KCNMB2: variants seen among roughly 807,000 people sequenced by gnomAD.
The protein encoded by KCNMB2 is potassium calcium-activated channel subfamily M regulatory beta subunit 2, also known as calcium-activated potassium channel subunit beta-2.
KCNMB2 carries 9 observed loss-of-function variants against 24.5 expected under a neutral mutation model. The observed-to-expected ratio is 0.37, with a 90% confidence interval of 0.22 to 0.64. The LOEUF is 0.64. KCNMB2 is among the 30% of genes least tolerant of loss of function. KCNMB2 has a pLI of 0.63. For synonymous variants in KCNMB2, 109 were observed against 104.4 expected (o/e 1.04, Z -0.27); for missense variants, 226 against 284.3 (o/e 0.79, Z 1.47).
At chr3:178,699,336 A>C (rs1026882396) in intron 1 of KCNMB2, among the ~76,000 whole-genome samples, 3 of 152,182 alleles carry the variant, frequency 2.0e-5, no homozygotes, top group Non-Finnish European at 4.4e-5. Context: ...TAGTGAGTGA[A>C]GGGGAGTGGA....
At chr3:178,773,002 A>C (rs1178095871) in intron 1 of KCNMB2, among the ~76,000 whole-genome samples, 4 of 151,976 alleles carry the variant, frequency 2.6e-5, no homozygotes, top group Non-Finnish European at 5.9e-5. Flanking sequence ...TTTCCTGTTG[A>C]CAGTTTCAAA....
intron 1 of KCNMB2, among the ~76,000 whole-genome samples, chr3:178,657,400 G>A (rs13062166): frequency 0.26 from 39,295 of 152,060 alleles, 5,718 homozygotes; most frequent in African/African-American, 0.39. Flanking sequence ...GACTGACCTG[G>A]GAACAAACTC....
chr3:178,718,488 C>T lies in KCNMB2; in HGVS notation c.-67-88855C>T, dbSNP rs536788674. ...CCTATAAGATCAAAATCATTTCCTT[C>T]GTGTTCCCCCACTCTGGAATCAGAA... On this transcript the variant is annotated intron_variant, in intron 1 of 4. Coordinates refer to ENST00000452583, the MANE Select transcript of KCNMB2 (RefSeq NM_181361.3). Among the ~76,000 whole-genome samples, 11 of 152,322 alleles carry T rather than the reference C, an allele frequency of 7.2e-5. No individual in the cohort carries two copies. The South Asian group carries it at 1.9e-3, about 26-fold the overall frequency.
intron 1 of KCNMB2, among the ~76,000 whole-genome samples, chr3:178,747,339 A>C (rs1033615924): frequency 6.6e-6 from 1 of 152,204 alleles, no homozygotes; most frequent in Non-Finnish European, 1.5e-5. Context: ...CCATGACTCA[A>C]TTACCTCCCA....
chr3:178,555,819 T>C (rs886617246), intron 1 of KCNMB2, among the ~76,000 whole-genome samples: 1 of 152,194 alleles, frequency 6.6e-6, no homozygotes, highest in South Asian at 2.1e-4. Flanking sequence ...TATTAGAAAG[T>C]AGAATGTGCT....
chr3:178,551,879 C>T (rs1715964354), intron 1 of KCNMB2, among the ~76,000 whole-genome samples: 4 of 152,192 alleles, frequency 2.6e-5, no homozygotes, highest in Non-Finnish European at 4.4e-5. Context: ...GACAGACCTT[C>T]AGATATCCCA....
chr3:178,796,214 T>C (rs941681583), intron 1 of KCNMB2, among the ~76,000 whole-genome samples: 7 of 152,192 alleles, frequency 4.6e-5, no homozygotes, highest in African/African-American at 1.7e-4. Context: ...ATCAAGAGGA[T>C]ATAATAATTA....
chr3:178,699,970 T>A (rs1017051373), intron 1 of KCNMB2, among the ~76,000 whole-genome samples: 7 of 152,202 alleles, frequency 4.6e-5, no homozygotes, highest in African/African-American at 1.7e-4. Context: ...GGAGCTGTTG[T>A]GGTTCAAAAA....
At chr3:178,709,931 T>C (rs946863799) in intron 1 of KCNMB2, among the ~76,000 whole-genome samples, 20 of 152,118 alleles carry the variant, frequency 1.3e-4, no homozygotes, top group South Asian at 4.1e-4. Context: ...CTGTGCAAAA[T>C]ATAGTTAGGG....
rs1333906601 is a variant in KCNMB2 at position 178,758,523 on chromosome 3, G to GATAT, written c.-67-48818_-67-48817insATAT. The stretch of plus-strand genomic sequence containing the variant: ...ATATATATATATATCTCCAAGAGGA[G>GATAT]ATGTATATATATATATATATATATA... On this transcript the variant is annotated intron_variant, in intron 1 of 4. Coordinates refer to ENST00000452583, the MANE Select transcript of KCNMB2 (RefSeq NM_181361.3). Among the ~76,000 whole-genome samples the GATAT allele has an allele frequency of 5.8e-3, 114 of 19,600 alleles. 5 individuals carry two copies. Among genetic ancestry groups the GATAT allele is most frequent in the Non-Finnish European group, 7.7e-3 (91 of 11,808 alleles). 12.9% of individuals were successfully genotyped at this position (19,600 alleles called of 152,430 possible). A position where few individuals can be genotyped will look rare whatever the true frequency, so the allele number is the denominator to read the frequency against.
intron 1 of KCNMB2, among the ~76,000 whole-genome samples, chr3:178,776,858 C>T (rs1247837948): frequency 6.6e-6 from 1 of 152,136 alleles, no homozygotes; most frequent in Non-Finnish European, 1.5e-5. Flanking sequence ...GGAGTTCAAA[C>T]CCTGGCTCCT....
At chr3:178,670,979 G>T (rs1446394278) in intron 1 of KCNMB2, among the ~76,000 whole-genome samples, 1 of 152,110 alleles carries the variant, frequency 6.6e-6, no homozygotes, top group African/African-American at 2.4e-5. Flanking sequence ...AGAGGTTGGA[G>T]CAAGTAACAG....
At chr3:178,698,596 A>G (rs1231885430) in intron 1 of KCNMB2, among the ~76,000 whole-genome samples, 1 of 152,192 alleles carries the variant, frequency 6.6e-6, no homozygotes, top group South Asian at 2.1e-4. Flanking sequence ...TCCTATCTAT[A>G]TACCGAATTC....
chr3:178,592,558 C>T (rs2108500485), intron 1 of KCNMB2, among the ~76,000 whole-genome samples: 1 of 152,214 alleles, frequency 6.6e-6, no homozygotes, highest in South Asian at 2.1e-4. Context: ...GCCACAAAGG[C>T]TCTATGACAG....
chr3:178,617,032 T>C (rs76530902), intron 1 of KCNMB2, among the ~76,000 whole-genome samples: 60 of 152,082 alleles, frequency 3.9e-4, no homozygotes, highest in Non-Finnish European at 8.1e-4. Flanking sequence ...GATACAGAGG[T>C]TTTATTTTTG....
At chr3:178,721,967 T>G (rs1436792070) in intron 1 of KCNMB2, among the ~76,000 whole-genome samples, 1 of 152,248 alleles carries the variant, frequency 6.6e-6, no homozygotes, top group Non-Finnish European at 1.5e-5. Context: ...AAGTCCTTTG[T>G]CAGATATGTA....
chr3:178,689,375 C>T (rs970547889), intron 1 of KCNMB2, among the ~76,000 whole-genome samples: 4 of 152,134 alleles, frequency 2.6e-5, no homozygotes, highest in Non-Finnish European at 5.9e-5. Flanking sequence ...GTGGTTCATG[C>T]CTGTAATCCC....
chr3:178,759,678 A>ATC lies in KCNMB2; in HGVS notation c.-67-47664_-67-47663dup, dbSNP rs1347059246. On this transcript the variant is annotated intron_variant, in intron 1 of 4. Transcript: ENST00000452583. ...CTCCAAGAGGGATATATATATATAT[A>ATC]TCCAAGAGGATATATATACACATAT... is the stretch of plus-strand genomic sequence containing the variant. 2.2e-4 allele frequency among the ~76,000 whole-genome samples: 24 copies of ATC among 111,584 alleles called. 4 individuals carry two copies. Among genetic ancestry groups the ATC allele is most frequent in the Admixed American group, 5.9e-4 (6 of 10,122 alleles). 73.2% of individuals were successfully genotyped at this position (111,584 alleles called of 152,430 possible).
chr3:178,712,074 G>A (rs749013135), intron 1 of KCNMB2, among the ~76,000 whole-genome samples: 4 of 152,152 alleles, frequency 2.6e-5, no homozygotes, highest in East Asian at 1.9e-4. Context: ...TTGATGTTGT[G>A]AGTTTAATCC....
Sources: gnomAD v4.1 joint callset for allele counts (sites outside exome capture counted in the v4.1 genomes callset) on GRCh38, gnomAD v4.1.1 for gene constraint, MANE v1.5 for transcripts, NCBI Gene and HGNC (gene_info 2026-07-23, HGNC 2026-07-21) for gene names.